XRCC5: variants seen among roughly 807,000 people sequenced by gnomAD.
The protein encoded by XRCC5 is X-ray repair cross complementing 5.
In XRCC5, 12 loss-of-function variants were observed where a neutral mutation model predicts 95.7. The observed-to-expected ratio is 0.13, with a 90% CI of 0.08 to 0.20. The LOEUF is 0.20. XRCC5 is among the 10% of genes least tolerant of loss of function. The probability of loss-of-function intolerance (pLI) is 1.00; values close to 1 mark genes in which losing one functional copy is unlikely to be tolerated. For synonymous variants in XRCC5, 281 were observed against 290.3 expected (o/e 0.97, Z 0.33); for missense variants, 595 against 873.9 (o/e 0.68, Z 4.02).
At chr2:216,196,420 A>G (rs933774022) in intron 19 of XRCC5, among the ~76,000 whole-genome samples, 2 of 152,292 alleles carry the variant, frequency 1.3e-5, no homozygotes, top group East Asian at 3.9e-4. Context: ...ACTTTATACA[A>G]TGTTTGATAA....
At chr2:216,126,947 G>A (rs1696908984) in intron 7 of XRCC5, among the ~76,000 whole-genome samples, 1 of 150,202 alleles carries the variant, frequency 6.7e-6, no homozygotes. Flanking sequence ...AAAATGTATA[G>A]TCCTCTTTTT....
chr2:216,196,851 T>C (rs1689731617), intron 19 of XRCC5, among the ~76,000 whole-genome samples: 1 of 152,184 alleles, frequency 6.6e-6, no homozygotes, highest in Non-Finnish European at 1.5e-5. Flanking sequence ...CTGGGGACCA[T>C]AGCCCAGCCA....
intron 5 of XRCC5, among the ~76,000 whole-genome samples, chr2:216,120,991 C>T (rs1696796994): frequency 6.6e-6 from 1 of 152,202 alleles, no homozygotes; most frequent in Non-Finnish European, 1.5e-5. Context: ...CTGCCTCGCC[C>T]TCCCAAAGTG....
chr2:216,152,699 C>T (rs1688768184), intron 14 of XRCC5, among the ~76,000 whole-genome samples: 2 of 151,084 alleles, frequency 1.3e-5, no homozygotes, highest in Non-Finnish European at 2.9e-5. Flanking sequence ...TCTCTGTCAC[C>T]CAGGCTGGAG....
intron 17 of XRCC5, among the ~76,000 whole-genome samples, chr2:216,192,162 C>T (rs1419325438): frequency 2.0e-5 from 3 of 151,992 alleles, no homozygotes; most frequent in Non-Finnish European, 2.9e-5. Context: ...CCGCATCCAG[C>T]TAATTTTTGT....
intron 19 of XRCC5, among the ~76,000 whole-genome samples, chr2:216,201,659 A>G (rs1689835384): frequency 6.6e-6 from 1 of 152,200 alleles, no homozygotes. Flanking sequence ...CTACTTTCTC[A>G]GCATATTGCA....
At chr2:216,155,403 A>G (rs112158995) in intron 14 of XRCC5, among the ~76,000 whole-genome samples, 3,470 of 152,300 alleles carry the variant, frequency 0.023, 140 homozygotes, top group African/African-American at 0.079. Context: ...GTATGAAGAG[A>G]TCTTCAATCT....
At chr2:216,166,861 CA>C (rs2106030513) in intron 16 of XRCC5, among the ~76,000 whole-genome samples, 1 of 152,042 alleles carries the variant, frequency 6.6e-6, no homozygotes, top group East Asian at 1.9e-4. Context: ...CTTGGTGTGT[CA>C]AAAACAGGTT....
At chr2:216,119,236 T>TAC (rs2106002377) in intron 5 of XRCC5, 71 bp downstream of exon 5, 2 of 1,544,412 alleles carry the variant, frequency 1.3e-6, no homozygotes, top group African/African-American at 1.4e-5. Context: ...GCCCTCTGTA[T>TAC]AGAGTACTTG....
intron 2 of XRCC5, 62 bp downstream of exon 2, chr2:216,113,191 A>G: frequency 1.4e-6 from 2 of 1,406,264 alleles, no homozygotes; most frequent in South Asian, 2.4e-5. Context: ...GCCTCTACCT[A>G]CTAATGCAAG....
At chr2:216,114,203 TG>T (rs1389059223) in intron 2 of XRCC5, among the ~76,000 whole-genome samples, 2 of 152,194 alleles carry the variant, frequency 1.3e-5, no homozygotes, top group Non-Finnish European at 2.9e-5. Context: ...TTTTTATTTC[TG>T]CCCCTTCTAC....
chr2:216,139,877 C>T (rs1697146344), intron 12 of XRCC5, among the ~76,000 whole-genome samples: 1 of 152,200 alleles, frequency 6.6e-6, no homozygotes, highest in African/African-American at 2.4e-5. Context: ...GGATCTGAAA[C>T]ATTAAATATC....
intron 16 of XRCC5, among the ~76,000 whole-genome samples, chr2:216,169,011 TCTG>T (rs1480473729): frequency 6.6e-6 from 1 of 152,246 alleles, no homozygotes; most frequent in Non-Finnish European, 1.5e-5. Context: ...GGGTCACATA[TCTG>T]AAACCTTGTG....
At chr2:216,160,745 A>G (rs1336528285) in intron 15 of XRCC5, among the ~76,000 whole-genome samples, 1 of 152,064 alleles carries the variant, frequency 6.6e-6, no homozygotes, top group African/African-American at 2.4e-5. Flanking sequence ...TTTTAGAGAT[A>G]GGTTGTCACT....
At chr2:216,110,051 T>G (rs1696559386) in intron 1 of XRCC5, among the ~76,000 whole-genome samples, 1 of 152,180 alleles carries the variant, frequency 6.6e-6, no homozygotes, top group Non-Finnish European at 1.5e-5. Context: ...CACAACCCCT[T>G]GAAGTGAAAA....
chr2:216,168,890 A>G (rs1298996417), intron 16 of XRCC5, among the ~76,000 whole-genome samples: 1 of 152,264 alleles, frequency 6.6e-6, no homozygotes, highest in Non-Finnish European at 1.5e-5. Context: ...CAAAGATCAC[A>G]TAGGAATTCA....
chr2:216,160,300 G>A, intron 15 of XRCC5, 139 bp downstream of exon 15: 1 of 518,926 alleles, frequency 1.9e-6, no homozygotes, highest in Non-Finnish European at 3.3e-6. Context: ...TTGCTCTATA[G>A]AAGCCAAAAA....
chr2:216,118,682 G>C (rs1033231883), intron 4 of XRCC5, among the ~76,000 whole-genome samples: 2 of 152,172 alleles, frequency 1.3e-5, no homozygotes, highest in Non-Finnish European at 2.9e-5. Context: ...AGTCAGAGCA[G>C]GATATTTAGA....
intron 19 of XRCC5, among the ~76,000 whole-genome samples, chr2:216,197,018 GA>G (rs41296771): frequency 6.6e-6 from 1 of 152,234 alleles, no homozygotes; most frequent in East Asian, 1.9e-4. Flanking sequence ...AAGAAGTGAG[GA>G]GCCATGACCT....
Sources: allele counts gnomAD v4.1 joint callset (sites outside exome capture counted in the v4.1 genomes callset), GRCh38; gene constraint gnomAD v4.1.1; transcripts MANE v1.5; gene names NCBI Gene and HGNC (gene_info 2026-07-23, HGNC 2026-07-21).